Variants in CHSY3 observed in about 807,000 individuals in gnomAD.
CHSY3 encodes the protein chondroitin sulfate synthase 3.
A neutral mutation model predicts 67.2 loss-of-function variants in CHSY3; 35 were observed. The observed-to-expected ratio is 0.52, with a 90% CI of 0.40 to 0.69. CHSY3 has a LOEUF of 0.69. Ranked by LOEUF, CHSY3 falls within the 30% of genes least tolerant of loss-of-function variation. The pLI, the probability that CHSY3 is intolerant of heterozygous loss-of-function variation, is 0.00. For missense variants in CHSY3, 1,069 were observed against 1,138.5 expected (o/e 0.94, Z 0.88); for synonymous variants, 474 against 434.7 (o/e 1.09, Z -1.12).
At chr5:130,086,115 G>A (rs1766611182) in intron 2 of CHSY3, among the ~76,000 whole-genome samples, 2 of 152,014 alleles carry the variant, frequency 1.3e-5, no homozygotes, top group Admixed American at 6.6e-5. Context: ...TTCTGTAGAT[G>A]TCTATTAGGT....
At chr5:130,073,110 G>A (rs1016247768) in intron 2 of CHSY3, among the ~76,000 whole-genome samples, 2 of 152,074 alleles carry the variant, frequency 1.3e-5, no homozygotes, top group African/African-American at 2.4e-5. Flanking sequence ...GTTGTTAGTA[G>A]TGTGTTGTAC....
intron 2 of CHSY3, among the ~76,000 whole-genome samples, chr5:130,076,744 T>C (rs1367656068): frequency 6.6e-6 from 1 of 152,108 alleles, no homozygotes; most frequent in East Asian, 1.9e-4. Flanking sequence ...TGTAAACTTT[T>C]GGGAGTAAGG....
intron 2 of CHSY3, among the ~76,000 whole-genome samples, chr5:129,984,947 C>T (rs1763136169): frequency 6.6e-6 from 1 of 152,010 alleles, no homozygotes; most frequent in Non-Finnish European, 1.5e-5. Flanking sequence ...GCATAATATC[C>T]AAATAATTTC....
At chr5:129,919,137 A>AAAT (rs397938909) in intron 2 of CHSY3, among the ~76,000 whole-genome samples, 25 of 150,310 alleles carry the variant, frequency 1.7e-4, no homozygotes, top group Admixed American at 2.7e-4. Context: ...AAAAAAAAAA[A>AAAT]TTTATTCTGC....
chr5:129,956,161 G>C (rs1246567803), intron 2 of CHSY3, among the ~76,000 whole-genome samples: 1 of 152,114 alleles, frequency 6.6e-6, no homozygotes. Flanking sequence ...CCCGCCAACA[G>C]TGTATAAGCA....
chr5:130,094,025 CA>C (rs1297195402), intron 2 of CHSY3, among the ~76,000 whole-genome samples: 1 of 152,062 alleles, frequency 6.6e-6, no homozygotes, highest in Non-Finnish European at 1.5e-5. Context: ...CAAAAATGCA[CA>C]AGCACTTTCT....
intron 2 of CHSY3, among the ~76,000 whole-genome samples, chr5:130,111,914 T>C (rs1475539149): frequency 4.6e-5 from 7 of 152,144 alleles, no homozygotes; most frequent in Non-Finnish European, 1.0e-4. Flanking sequence ...AGGCAGGGTT[T>C]TAAGTGGTTG....
In CHSY3 at chr5:130,184,411, G is replaced by C. The variant is rs768626694; in HGVS notation, c.1269G>C (p.Gln423His). Residue 423 changes from glutamine (Q) to histidine (H), a missense_variant, in exon 3 of 3, where the codon CAG becomes CAC. Transcript: ENST00000305031. Reference sequence around the variant, plus strand: ...CTGAACTTCGCTACCGCACCATCCAGCTCCACAGGGAAAGTGCCCTGATGA... The same window carrying C: ...CTGAACTTCGCTACCGCACCATCCACCTCCACAGGGAAAGTGCCCTGATGA... ...KISELRYRTI[Q>H]LHRESALMSK... 2 of 1,613,488 alleles carry C rather than the reference G, an allele frequency of 1.2e-6. No homozygotes were observed. Among genetic ancestry groups the C allele is most frequent in the East Asian group, 4.5e-5 (2 of 44,880 alleles).
intron 2 of CHSY3, among the ~76,000 whole-genome samples, chr5:130,003,608 G>GACAT (rs1763794915): frequency 6.6e-6 from 1 of 151,954 alleles, no homozygotes; most frequent in Non-Finnish European, 1.5e-5. Flanking sequence ...ACAAAGAGGG[G>GACAT]TTACCAGATA....
At chr5:129,928,185 C>T (rs1761178687) in intron 2 of CHSY3, among the ~76,000 whole-genome samples, 1 of 145,112 alleles carries the variant, frequency 6.9e-6, no homozygotes, top group Non-Finnish European at 1.5e-5. Flanking sequence ...TTTCCTGATC[C>T]TCCCTCTCCC....
At chr5:130,128,508 G>C (rs1469182824) in intron 2 of CHSY3, among the ~76,000 whole-genome samples, 1 of 151,976 alleles carries the variant, frequency 6.6e-6, no homozygotes, top group East Asian at 1.9e-4. Flanking sequence ...ATTACCAGAG[G>C]CTGAGGGGAG....
intron 2 of CHSY3, among the ~76,000 whole-genome samples, chr5:130,097,201 C>T (rs1370991598): frequency 6.6e-6 from 1 of 152,240 alleles, no homozygotes; most frequent in Non-Finnish European, 1.5e-5. Flanking sequence ...CCCTCCAGGG[C>T]CCCTAGGTAA....
chr5:130,006,285 A>T (rs1350456008), intron 2 of CHSY3, among the ~76,000 whole-genome samples: 1 of 152,206 alleles, frequency 6.6e-6, no homozygotes, highest in Non-Finnish European at 1.5e-5. Flanking sequence ...GTTAGGACAT[A>T]GTAAGATGCA....
chr5:130,005,000 A>G (rs1734981290), intron 2 of CHSY3, among the ~76,000 whole-genome samples: 1 of 152,196 alleles, frequency 6.6e-6, no homozygotes, highest in African/African-American at 2.4e-5. Context: ...AGTATGCTTA[A>G]AAGTATATCA....
intron 2 of CHSY3, among the ~76,000 whole-genome samples, chr5:130,130,184 C>T (rs9968759): frequency 0.19 from 28,759 of 151,926 alleles, 3,364 homozygotes; most frequent in East Asian, 0.31. Context: ...GGTACTACTG[C>T]CAGTAAATAT....
At chr5:130,022,665 T>G (rs1764427706) in intron 2 of CHSY3, among the ~76,000 whole-genome samples, 1 of 151,942 alleles carries the variant, frequency 6.6e-6, no homozygotes, top group South Asian at 2.1e-4. Flanking sequence ...GACAATATCA[T>G]CAGATCATTT....
At chr5:129,936,722 C>T (rs148495642) in intron 2 of CHSY3, among the ~76,000 whole-genome samples, 1 of 152,186 alleles carries the variant, frequency 6.6e-6, no homozygotes, top group East Asian at 1.9e-4. Context: ...AGGGCATTCC[C>T]CATGTAAGAA....
chr5:130,053,114 A>G (rs950839667), intron 2 of CHSY3, among the ~76,000 whole-genome samples: 2 of 152,180 alleles, frequency 1.3e-5, no homozygotes, highest in Non-Finnish European at 2.9e-5. Flanking sequence ...ATTCCCAAAT[A>G]GGAACACTTC....
At chr5:130,074,079 G>GT (rs11353485) in intron 2 of CHSY3, among the ~76,000 whole-genome samples, 228 of 149,120 alleles carry the variant, frequency 1.5e-3, no homozygotes, top group South Asian at 4.6e-3. Flanking sequence ...TTTGTTTTTT[G>GT]TTTTTTTTTG....
Sources: gnomAD v4.1 joint callset for allele counts (sites outside exome capture counted in the v4.1 genomes callset) on GRCh38, gnomAD v4.1.1 for gene constraint, MANE v1.5 for transcripts, NCBI Gene and HGNC (gene_info 2026-07-23, HGNC 2026-07-21) for gene names.